GOLGA3: variants seen among roughly 807,000 people sequenced by gnomAD.
GOLGA3 encodes golgin A3.
In GOLGA3, 75 loss-of-function variants were observed where a neutral mutation model predicts 169.4. The ratio of observed to expected loss-of-function variants is 0.44; its 90% confidence interval spans 0.37 to 0.54. GOLGA3 has a LOEUF of 0.54. Among genes scored for constraint, GOLGA3 ranks in the 20% least tolerant of loss-of-function variants. The pLI is 0.00. For synonymous variants in GOLGA3, 824 were observed against 822.4 expected (o/e 1.00, Z -0.03); for missense variants, 1,899 against 1,930.0 (o/e 0.98, Z 0.30).
rs537331736 is a variant in GOLGA3, at chr12:132,827,406, G to A, written c.-184+1397C>T. On this transcript the variant is annotated intron_variant, in intron 1 of 23. Coordinates refer to ENST00000450791, the MANE Select transcript of GOLGA3 (RefSeq NM_001389683.1). ...CCACCACTTACCTGTGAGAGCCTGG[G>A]CTAAAGATTTCTTAATCACATTTAG... is the stretch of plus-strand genomic sequence containing the variant. Among the ~76,000 whole-genome samples, 5 of 152,336 alleles carry A rather than the reference G, an allele frequency of 3.3e-5. 1 individual carries two copies. The South Asian group carries it at 1.0e-3, about 32-fold the overall frequency.
At chr12:132,787,679 AG>A (rs1417479375) in intron 13 of GOLGA3, among the ~76,000 whole-genome samples, 804 of 62,972 alleles carry the variant, frequency 0.013, 235 homozygotes, top group East Asian at 0.12. Context: ...CCCTCCCCGG[AG>A]ACCCCGGGAC....
chr12:132,799,769 T>TGTTGC (rs1443371762), intron 8 of GOLGA3, among the ~76,000 whole-genome samples: 1 of 152,082 alleles, frequency 6.6e-6, no homozygotes, highest in Non-Finnish European at 1.5e-5. Flanking sequence ...AGTCTGGCTC[T>TGTTGC]GTTGCCCAGG....
intron 8 of GOLGA3, among the ~76,000 whole-genome samples, 187 bp downstream of exon 8, chr12:132,801,580 G>C (rs936767892): frequency 1.3e-5 from 2 of 149,072 alleles, no homozygotes; most frequent in Non-Finnish European, 2.9e-5. Context: ...CAGAAGGTTG[G>C]GGGGGGGCCC....
Position 132,808,084 on chromosome 12 carries a change from A to G in GOLGA3, c.985T>C (p.Tyr329His), listed in dbSNP as rs1245698411. Residue 329 changes from tyrosine to histidine, a missense_variant, in exon 5 of 24, where the codon TAT (tyrosine) becomes CAT (histidine). Transcript: ENST00000450791. ...CCCACTGTCTTCGACAGAATGCCAT[A>G]GGTCCCTCGGGTGGAGGCGCTGCTG... ...SYSSASTRGT[Y>H]GILSKTVGTQ... 2 of 1,597,222 alleles carry G rather than the reference A, an allele frequency of 1.3e-6. No homozygotes were observed. Among genetic ancestry groups the G allele is most frequent in the Admixed American group, 1.7e-5 (1 of 58,694 alleles).
intron 3 of GOLGA3, among the ~76,000 whole-genome samples, chr12:132,814,579 C>A (rs554513456): frequency 6.6e-6 from 1 of 152,232 alleles, no homozygotes; most frequent in Non-Finnish European, 1.5e-5. Flanking sequence ...TCCGCTCTGA[C>A]GCACAGCTCA....
chr12:132,796,566 C>A lies in GOLGA3; in HGVS notation c.2073G>T (p.Ala691=), dbSNP rs769118739. 10 of 1,612,266 alleles carry A rather than the reference C, an allele frequency of 6.2e-6. No individual in the cohort carries two copies. Among genetic ancestry groups the A allele is most frequent in the Non-Finnish European group, 8.5e-6 (10 of 1,179,940 alleles). The stretch of plus-strand genomic sequence containing the variant: ...GCTCCAGCTGCTGCTCCAGGGATGC[C>A]GCCGAGTCCGCCATCCTCTGCAGCC... ...RERLQRMADS[A]ASLEQQLEQV... Residue 691 remains alanine, a synonymous_variant, in exon 10 of 24, where the codon GCG becomes GCT. Coordinates refer to ENST00000450791, the MANE Select transcript of GOLGA3 (RefSeq NM_001389683.1).
chr12:132,779,914 C>T (rs1010267360), intron 18 of GOLGA3, among the ~76,000 whole-genome samples: 8 of 141,776 alleles, frequency 5.6e-5, no homozygotes, highest in Admixed American at 2.3e-4. Context: ...GCACGCACAG[C>T]CCCCCGCATG....
At chr12:132,790,442 C>T (rs181030079) in intron 12 of GOLGA3, among the ~76,000 whole-genome samples, 1 of 152,302 alleles carries the variant, frequency 6.6e-6, no homozygotes, top group South Asian at 2.1e-4. Flanking sequence ...CGGGGTCACC[C>T]TTGCTCAGAT....
Position 132,777,862 on chromosome 12 carries a change from C to G in GOLGA3, c.3583-57G>C. On this transcript the variant is annotated intron_variant, in intron 18 of 23. Coordinates refer to ENST00000450791, the MANE Select transcript of GOLGA3 (RefSeq NM_001389683.1). The surrounding 1 kb of genome is among the most constrained non-coding windows in gnomAD (Gnocchi z 4.7). ...CTGCGTGACACCCACAGCTTTATGA[C>G]GTGCCGGGCGCAGGGGGTGAATGCA... 6.3e-7 allele frequency: 1 copy of G among 1,588,344 alleles called. No individual in the cohort carries two copies. The highest frequency in any genetic ancestry group is 1.1e-5 in the South Asian group (1 of 88,014).
chr12:132,795,765 A>AG, intron 11 of GOLGA3, 87 bp downstream of exon 11: 1 of 1,410,602 alleles, frequency 7.1e-7, no homozygotes, highest in Non-Finnish European at 9.7e-7. Context: ...TTTCAAAAAA[A>AG]AAAGAAAGAA....
intron 7 of GOLGA3, among the ~76,000 whole-genome samples, chr12:132,802,923 C>T (rs1949203059): frequency 6.6e-6 from 1 of 152,154 alleles, no homozygotes. Flanking sequence ...GGCGCGGTGG[C>T]AGACGCCTGT....
chr12:132,825,906 G>C, intron 1 of GOLGA3: 1 of 965,818 alleles, frequency 1.0e-6, no homozygotes. Flanking sequence ...GTCTCCATTC[G>C]AGGGCGGATC....
intron 18 of GOLGA3, among the ~76,000 whole-genome samples, chr12:132,778,019 T>C (rs1173039285): frequency 6.6e-6 from 1 of 152,276 alleles, no homozygotes; most frequent in Non-Finnish European, 1.5e-5. Context: ...GCTGCTGCTA[T>C]CTGTTGAATG....
chr12:132,780,104 C>T (rs557513087), intron 18 of GOLGA3, among the ~76,000 whole-genome samples: 55 of 104,010 alleles, frequency 5.3e-4, no homozygotes, highest in Middle Eastern at 5.7e-3. Context: ...CACACTTGCA[C>T]GCACAGCCCC....
intron 4 of GOLGA3, chr12:132,811,872 C>T (rs975945174): frequency 6.1e-5 from 51 of 842,202 alleles, no homozygotes; most frequent in Middle Eastern, 6.1e-4. Flanking sequence ...ATAGGCTGGG[C>T]GCGATGGTGG....
intron 13 of GOLGA3, among the ~76,000 whole-genome samples, chr12:132,787,171 C>G (rs1188238900): frequency 6.6e-6 from 1 of 152,062 alleles, no homozygotes; most frequent in Non-Finnish European, 1.5e-5. Flanking sequence ...TCAGGCTAGT[C>G]TTGAACTCCT....
At chr12:132,814,828 C>T (rs1052220974) in intron 3 of GOLGA3, among the ~76,000 whole-genome samples, 1 of 152,198 alleles carries the variant, frequency 6.6e-6, no homozygotes, top group African/African-American at 2.4e-5. Flanking sequence ...ATATCTAAAA[C>T]CCAGACCTTT....
chr12:132,821,778 C>T (rs1340749059), intron 2 of GOLGA3, among the ~76,000 whole-genome samples: 1 of 144,560 alleles, frequency 6.9e-6, no homozygotes, highest in Non-Finnish European at 1.5e-5. Context: ...GGCATGAACC[C>T]GGGAGGCGGA....
intron 3 of GOLGA3, 70 bp downstream of exon 3, chr12:132,816,470 G>C (rs556847206): frequency 1.5e-5 from 22 of 1,501,380 alleles, no homozygotes; most frequent in Non-Finnish European, 1.9e-5. Context: ...GAGTGCGCAG[G>C]GCACCTGCTC....
Sources: allele counts gnomAD v4.1 joint callset (sites outside exome capture counted in the v4.1 genomes callset), GRCh38; gene constraint gnomAD v4.1.1; non-coding constraint Gnocchi (gnomAD v3.1); transcripts MANE v1.5; gene names NCBI Gene and HGNC (gene_info 2026-07-23, HGNC 2026-07-21).